ZBTB20: variants seen among roughly 807,000 people sequenced by gnomAD.
ZBTB20 encodes the protein zinc finger and BTB domain containing 20, also known as zinc finger and BTB domain-containing protein 20.
ZBTB20 carries 9 observed loss-of-function variants against 56.9 expected under a neutral mutation model. The ratio of observed to expected loss-of-function variants is 0.16; its 90% CI spans 0.10 to 0.28. The LOEUF (loss-of-function observed/expected upper bound fraction) is 0.28, where lower values mean the gene tolerates loss of function less well. Among genes scored for constraint, ZBTB20 ranks in the 10% least tolerant of loss-of-function variants. The pLI, the probability that ZBTB20 is intolerant of heterozygous loss-of-function variation, is 1.00. For missense variants in ZBTB20, 655 were observed against 1,003.0 expected (o/e 0.65, Z 4.69); for synonymous variants, 417 against 420.7 (o/e 0.99, Z 0.11).
chr3:115,130,321 T>C (rs1448608487), intron 1 of ZBTB20, among the ~76,000 whole-genome samples: 1 of 152,258 alleles, frequency 6.6e-6, no homozygotes, highest in Non-Finnish European at 1.5e-5. Context: ...TCAACTTCTA[T>C]GTGCAAGGAC....
In ZBTB20 at chr3:114,921,656, T is replaced by C. The variant is rs536267166; in HGVS notation, c.-455-21314A>G. ...GCATGTCCTCACTCATAGGTGGGAA[T>C]TGAACAATGAGAACACTTGGACACA... On this transcript the variant is annotated intron_variant, in intron 3 of 11. Transcript: ENST00000675478. 2.2e-5 allele frequency among the ~76,000 whole-genome samples: 3 copies of C among 138,974 alleles called. No individual in the cohort carries two copies. The South Asian group carries it at 6.8e-4, about 32-fold the overall frequency. The allele number at this position is 138,974 out of a possible 152,430, so 91.2% of individuals were successfully genotyped here.
chr3:114,959,701 A>C (rs1007826656), intron 3 of ZBTB20, among the ~76,000 whole-genome samples: 1 of 141,282 alleles, frequency 7.1e-6, no homozygotes, highest in Non-Finnish European at 1.5e-5. Context: ...ACACACACAC[A>C]CATCTATATT....
At chr3:114,866,668 G>A (rs890983854) in intron 4 of ZBTB20, among the ~76,000 whole-genome samples, 1 of 152,144 alleles carries the variant, frequency 6.6e-6, no homozygotes, top group African/African-American at 2.4e-5. Flanking sequence ...TCTCTCACAG[G>A]TAATAGGGAA....
intron 1 of ZBTB20, among the ~76,000 whole-genome samples, chr3:115,118,327 G>A (rs2084080179): frequency 6.6e-6 from 1 of 151,994 alleles, no homozygotes; most frequent in Non-Finnish European, 1.5e-5. Context: ...TCTGCAGAGT[G>A]GCTGGAACTA....
intron 10 of ZBTB20, among the ~76,000 whole-genome samples, chr3:114,361,084 C>A (rs986972936): frequency 1.3e-5 from 2 of 151,868 alleles, no homozygotes; most frequent in Non-Finnish European, 2.9e-5. Flanking sequence ...TACATATTGT[C>A]AAAAAAGACA....
At chr3:114,419,523 C>T (rs2088925895) in intron 7 of ZBTB20, among the ~76,000 whole-genome samples, 1 of 152,050 alleles carries the variant, frequency 6.6e-6, no homozygotes, top group African/African-American at 2.4e-5. Context: ...GTGTAGCACC[C>T]AGATGCTGTA....
chr3:114,414,862 G>A (rs888431058), intron 7 of ZBTB20, among the ~76,000 whole-genome samples: 1 of 151,204 alleles, frequency 6.6e-6, no homozygotes, highest in Non-Finnish European at 1.5e-5. Context: ...TAAAAGTCTA[G>A]GTAAAAGTAA....
intron 6 of ZBTB20, among the ~76,000 whole-genome samples, chr3:114,625,246 A>G (rs1343347290): frequency 6.6e-6 from 1 of 152,150 alleles, no homozygotes; most frequent in Non-Finnish European, 1.5e-5. Context: ...AAAGCTGCCT[A>G]CCAAACATAG....
chr3:114,488,311 C>T (rs371038488), intron 7 of ZBTB20, among the ~76,000 whole-genome samples: 42 of 152,314 alleles, frequency 2.8e-4, no homozygotes, highest in Admixed American at 3.9e-4. Flanking sequence ...ACCTGTTAGA[C>T]GGCTCATTTG....
At chr3:114,443,394 T>G (rs2091054040) in intron 7 of ZBTB20, among the ~76,000 whole-genome samples, 2 of 152,124 alleles carry the variant, frequency 1.3e-5, no homozygotes, top group South Asian at 4.1e-4. Flanking sequence ...CTTAAGCTGT[T>G]GGGGGTCTGT....
chr3:114,373,815 T>C (rs1445515689), intron 10 of ZBTB20, among the ~76,000 whole-genome samples: 1 of 152,168 alleles, frequency 6.6e-6, no homozygotes, highest in Non-Finnish European at 1.5e-5. Flanking sequence ...ACTAAATGAA[T>C]GAATGAATAA....
At chr3:114,663,795 C>CCATT (rs1254221331) in intron 6 of ZBTB20, among the ~76,000 whole-genome samples, 1 of 151,254 alleles carries the variant, frequency 6.6e-6, no homozygotes, top group African/African-American at 2.4e-5. Flanking sequence ...ATAAAGAAGG[C>CCATT]CATTACATAA....
intron 6 of ZBTB20, among the ~76,000 whole-genome samples, chr3:114,557,512 A>G (rs1208698072): frequency 6.6e-6 from 1 of 151,924 alleles, no homozygotes; most frequent in African/African-American, 2.4e-5. Flanking sequence ...CTATGATACT[A>G]TGTTATTATG....
chr3:114,908,629 A>G (rs1233027344), intron 3 of ZBTB20, among the ~76,000 whole-genome samples: 2 of 152,026 alleles, frequency 1.3e-5, no homozygotes, highest in African/African-American at 2.4e-5. Flanking sequence ...AGGTTCATCC[A>G]TAAATGAGTC....
At chr3:114,528,533 A>C (rs1016403949) in intron 6 of ZBTB20, 5 of 152,220 alleles carry the variant, frequency 3.3e-5, no homozygotes, top group Non-Finnish European at 7.3e-5. Flanking sequence ...TTGGAGTAAA[A>C]TTTAAAATGA....
intron 7 of ZBTB20, among the ~76,000 whole-genome samples, chr3:114,393,666 T>A (rs1450556766): frequency 6.6e-6 from 1 of 152,228 alleles, no homozygotes; most frequent in African/African-American, 2.4e-5. Flanking sequence ...TTATTCTCTT[T>A]TAATGACTTT....
intron 7 of ZBTB20, among the ~76,000 whole-genome samples, chr3:114,408,821 A>C (rs541176793): frequency 6.6e-6 from 1 of 152,236 alleles, no homozygotes; most frequent in East Asian, 1.9e-4. Context: ...AAAGAAGACA[A>C]AGCCTCAGAG....
chr3:114,755,387 A>G (rs1225997124), intron 5 of ZBTB20, among the ~76,000 whole-genome samples: 1 of 152,186 alleles, frequency 6.6e-6, no homozygotes, highest in Non-Finnish European at 1.5e-5. Flanking sequence ...TAAAACTTCA[A>G]AGAGACTGAC....
At chr3:114,835,941 A>G (rs948913025) in intron 4 of ZBTB20, among the ~76,000 whole-genome samples, 10 of 152,226 alleles carry the variant, frequency 6.6e-5, no homozygotes. Context: ...CTATGTAGCC[A>G]CAATTATTCT....
Sources: gnomAD v4.1 joint callset for allele counts (sites outside exome capture counted in the v4.1 genomes callset) on GRCh38, gnomAD v4.1.1 for gene constraint, MANE v1.5 for transcripts, NCBI Gene and HGNC (gene_info 2026-07-23, HGNC 2026-07-21) for gene names.